The following CEP112 variants were observed in gnomAD, a reference collection of about 807,000 sequenced individuals.
The protein encoded by CEP112 is centrosomal protein 112, also known as centrosomal protein of 112 kDa.
A neutral mutation model predicts 153.0 loss-of-function variants in CEP112; 127 were observed. That is an observed-to-expected ratio of 0.83 (90% CI 0.72 to 0.96). The LOEUF is 0.96. Ranked by LOEUF, CEP112 falls within the 40% of genes least tolerant of loss-of-function variation. The probability of loss-of-function intolerance (pLI) is 0.00; values close to 1 mark genes in which losing one functional copy is unlikely to be tolerated. For synonymous variants in CEP112, 358 were observed against 374.4 expected, an observed-to-expected ratio of 0.96 and a Z score of 0.51; for missense variants, 1,089 against 1,101.2, an observed-to-expected ratio of 0.99 and a Z score of 0.16.
At chr17:66,079,555 G>T (rs1479725769) in intron 8 of CEP112, among the ~76,000 whole-genome samples, 1 of 152,088 alleles carries the variant, frequency 6.6e-6, no homozygotes, top group East Asian at 1.9e-4. Flanking sequence ...TAGGAAGAAT[G>T]AATATTGTGA....
At chr17:66,157,095 A>G (rs1397788787) in intron 4 of CEP112, among the ~76,000 whole-genome samples, 3 of 152,186 alleles carry the variant, frequency 2.0e-5, no homozygotes, top group Non-Finnish European at 4.4e-5. Context: ...CCAAGGTTGC[A>G]ATGAAGGAAA....
At chr17:65,640,801 G>C (rs1162083005) in intron 25 of CEP112, among the ~76,000 whole-genome samples, 163 bp downstream of exon 25, 1 of 152,180 alleles carries the variant, frequency 6.6e-6, no homozygotes, top group Non-Finnish European at 1.5e-5. Context: ...TATTAAACAA[G>C]TAAGAAAAAA....
chr17:65,640,384 C>T (rs575320953), intron 25 of CEP112, among the ~76,000 whole-genome samples: 5 of 151,342 alleles, frequency 3.3e-5, no homozygotes, highest in South Asian at 4.2e-4. Flanking sequence ...AAACTCCTGA[C>T]CTCAAATGGT....
At chr17:66,113,690 T>C (rs1398562991) in intron 6 of CEP112, among the ~76,000 whole-genome samples, 1 of 152,154 alleles carries the variant, frequency 6.6e-6, no homozygotes, top group Non-Finnish European at 1.5e-5. Flanking sequence ...AAATAGAAAA[T>C]GTCTATTCTA....
At chr17:65,869,554 A>G (rs1288569816) in intron 20 of CEP112, among the ~76,000 whole-genome samples, 1 of 150,808 alleles carries the variant, frequency 6.6e-6, no homozygotes, top group Non-Finnish European at 1.5e-5. Flanking sequence ...AGAACTTAAC[A>G]TATAGGAAAG....
At chr17:65,701,456 G>A (rs1247105244) in intron 23 of CEP112, among the ~76,000 whole-genome samples, 1 of 152,148 alleles carries the variant, frequency 6.6e-6, no homozygotes. Context: ...AAGAAATCAT[G>A]GAAGGAACAG....
At chr17:66,160,885 C>T (rs1226606781) in intron 4 of CEP112, among the ~76,000 whole-genome samples, 3 of 151,970 alleles carry the variant, frequency 2.0e-5, no homozygotes, top group African/African-American at 4.8e-5. Flanking sequence ...AAGAAGCTAT[C>T]ATAAGAGTGA....
chr17:65,935,603 A>G (rs1340516028), intron 18 of CEP112, among the ~76,000 whole-genome samples: 1 of 152,190 alleles, frequency 6.6e-6, no homozygotes, highest in African/African-American at 2.4e-5. Flanking sequence ...TTAAAAATCA[A>G]TTAACAGGAG....
chr17:66,009,930 T>C (rs1291500738), intron 16 of CEP112, among the ~76,000 whole-genome samples: 1 of 152,160 alleles, frequency 6.6e-6, no homozygotes, highest in Non-Finnish European at 1.5e-5. Context: ...CTTACGATTG[T>C]CTTGGATATT....
intron 17 of CEP112, among the ~76,000 whole-genome samples, chr17:65,968,642 G>T (rs1005467116): frequency 6.6e-6 from 1 of 152,160 alleles, no homozygotes; most frequent in African/African-American, 2.4e-5. Flanking sequence ...GCTCATCACA[G>T]TTAGGGCAGT....
intron 21 of CEP112, among the ~76,000 whole-genome samples, chr17:65,768,213 G>A (rs2053115034): frequency 6.6e-6 from 1 of 152,004 alleles, no homozygotes; most frequent in African/African-American, 2.4e-5. Flanking sequence ...AGTAAAGTAA[G>A]CTAGGGAAAA....
intron 4 of CEP112, among the ~76,000 whole-genome samples, chr17:66,170,031 GGC>G (rs770325714): frequency 6.6e-6 from 1 of 152,108 alleles, no homozygotes; most frequent in Non-Finnish European, 1.5e-5. Flanking sequence ...CGTTCCTTAT[GGC>G]TATCTGATTC....
rs542440531 is a variant in CEP112 at position 65,909,658 on chromosome 17, T to C, written c.1981-7324A>G. 3.3e-5 allele frequency among the ~76,000 whole-genome samples: 5 copies of C among 152,056 alleles called. No homozygotes were observed. In the South Asian group the frequency reaches 8.3e-4, roughly 25 times the overall value. ...TAAAGATAATAGGGAAAACTGAAAA[T>C]TGTGAAAAGAACAAAAACAAACATT... On this transcript the variant is annotated intron_variant, in intron 19 of 26. Transcript: ENST00000535342.
chr17:65,746,838 C>G (rs999216803), intron 22 of CEP112, among the ~76,000 whole-genome samples: 2 of 151,980 alleles, frequency 1.3e-5, no homozygotes, highest in African/African-American at 4.8e-5. Flanking sequence ...TAATTAAAAA[C>G]CATAGAACAA....
At chr17:65,768,596 A>G (rs2053144331) in intron 21 of CEP112, among the ~76,000 whole-genome samples, 1 of 152,110 alleles carries the variant, frequency 6.6e-6, no homozygotes, top group Admixed American at 6.6e-5. Flanking sequence ...CAACACATCA[A>G]TACATCGTGA....
intron 20 of CEP112, among the ~76,000 whole-genome samples, chr17:65,891,218 A>G (rs1415831412): frequency 6.6e-6 from 1 of 152,180 alleles, no homozygotes; most frequent in Non-Finnish European, 1.5e-5. Flanking sequence ...GAGCCAGTAA[A>G]TGATAGAGAC....
At chr17:65,916,289 G>GTGTGTGTGTGTGTGTA (rs777844271) in intron 19 of CEP112, among the ~76,000 whole-genome samples, 94 of 147,210 alleles carry the variant, frequency 6.4e-4, no homozygotes, top group Admixed American at 1.7e-3. Flanking sequence ...GTGTGTGTGT[G>GTGTGTGTGTGTGTGTA]TGTATGTGTG....
At chr17:65,877,270 G>A (rs2058866709) in intron 20 of CEP112, among the ~76,000 whole-genome samples, 1 of 152,214 alleles carries the variant, frequency 6.6e-6, no homozygotes, top group Non-Finnish European at 1.5e-5. Context: ...GGAAGTGCAG[G>A]GCCATGCAGG....
intron 20 of CEP112, among the ~76,000 whole-genome samples, chr17:65,870,079 A>AAG (rs1479944865): frequency 2.0e-5 from 3 of 151,622 alleles, no homozygotes; most frequent in African/African-American, 7.3e-5. Context: ...GAAAGAAAGA[A>AAG]AGAAAAGAAA....
Sources: gnomAD v4.1 joint callset for allele counts (sites outside exome capture counted in the v4.1 genomes callset) on GRCh38, gnomAD v4.1.1 for gene constraint, MANE v1.5 for transcripts, NCBI Gene and HGNC (gene_info 2026-07-23, HGNC 2026-07-21) for gene names.